NDUFB6: variants seen among roughly 807,000 people sequenced by gnomAD.
The protein encoded by NDUFB6 is NADH:ubiquinone oxidoreductase subunit B6, also known as NADH dehydrogenase [ubiquinone] 1 beta subcomplex subunit 6.
NDUFB6 carries 23 observed loss-of-function variants against 17.5 expected under a neutral mutation model. The ratio of observed to expected loss-of-function variants is 1.31; its 90% CI spans 0.94 to 1.86. The LOEUF is 1.86. NDUFB6 is among the 40% of genes most tolerant of loss of function. NDUFB6 has a pLI of 0.00. For missense variants in NDUFB6, 167 were observed against 153.8 expected (o/e 1.09, Z -0.46); for synonymous variants, 60 against 53.5 (o/e 1.12, Z -0.53).
chr9:32,554,032 A>G, intron 3 of NDUFB6, 88 bp from the exon 4 acceptor site: 1 of 793,744 alleles, frequency 1.3e-6, no homozygotes, highest in Non-Finnish European at 2.0e-6. Context: ...CAGATCTCAC[A>G]TGGAAAATGT....
At chr9:32,562,329 A>T (rs1408232176) in intron 2 of NDUFB6, among the ~76,000 whole-genome samples, 1 of 152,220 alleles carries the variant, frequency 6.6e-6, no homozygotes, top group Non-Finnish European at 1.5e-5. Context: ...CAAGGGGCTT[A>T]ATCTGCTTAG....
rs192155305 is a variant in NDUFB6, at chr9:32,562,525, T to G, written c.274-3571A>C. ...CAACATTCACTGGATTATCTATAATTTGTTAGACAGTCCTTAACTTCTGTC... is the reference window on the plus strand; with the variant it reads ...CAACATTCACTGGATTATCTATAATGTGTTAGACAGTCCTTAACTTCTGTC... On this transcript the variant is annotated intron_variant, in intron 2 of 3. Transcript: ENST00000379847. Among the ~76,000 whole-genome samples, 669 of 152,336 alleles carry G rather than the reference T, an allele frequency of 4.4e-3. 5 individuals carry two copies. The highest frequency in any genetic ancestry group is 0.015 in the African/African-American group (640 of 41,576).
rs1821802864 is a variant in NDUFB6, at chr9:32,566,745, G to A, written c.273+4215C>T. On this transcript the variant is annotated intron_variant, in intron 2 of 3. Coordinates refer to ENST00000379847, the MANE Select transcript of NDUFB6 (RefSeq NM_002493.5). ...GGACTCCAAGCCTTCAAACCACAGC[G>A]GGTCCTCAGCCCGGGTGTCGGCTGC... The A allele has an allele frequency of 1.4e-5, 13 of 918,614 alleles. 1 individual carries two copies. The highest frequency in any genetic ancestry group is 1.6e-5 in the Non-Finnish European group (9 of 554,122). The allele number at this position is 918,614 out of a possible 1,614,324, so 56.9% of individuals were successfully genotyped here.
chr9:32,559,027 C>T (rs923455746), intron 2 of NDUFB6, 73 bp from the exon 3 acceptor site: 5 of 1,082,034 alleles, frequency 4.6e-6, no homozygotes, highest in South Asian at 4.5e-5. Flanking sequence ...TAGGTCATAC[C>T]CCAAATTTTA....
intron 2 of NDUFB6, chr9:32,566,684 G>T (rs1354403464): frequency 2.1e-5 from 17 of 822,142 alleles, no homozygotes; most frequent in Non-Finnish European, 3.5e-5. Context: ...GGCTTTCACA[G>T]CTGTATCTCA....
intron 2 of NDUFB6, chr9:32,567,062 G>T (rs905564898): frequency 4.0e-6 from 2 of 494,138 alleles, no homozygotes; most frequent in African/African-American, 3.9e-5. Flanking sequence ...GCTCCTGCCC[G>T]CCATGCCAAA....
At position 32,553,072 on chromosome 9, in the gene NDUFB6, T is replaced by C. The variant is rs1429778880; in HGVS notation, c.*804A>G. 3 of 517,584 alleles carry C rather than the reference T, an allele frequency of 5.8e-6. No individual in the cohort carries two copies. Among genetic ancestry groups the C allele is most frequent in the Non-Finnish European group, 6.8e-6 (2 of 293,038 alleles). The allele number at this position is 517,584 out of a possible 1,614,324, so 32.1% of individuals were successfully genotyped here. On this transcript the variant is annotated 3_prime_UTR_variant, in exon 4 of 4. Coordinates refer to ENST00000379847, the MANE Select transcript of NDUFB6 (RefSeq NM_002493.5). ...AGTATGCAAATTTTTCACTTAGAGA[T>C]TTTAGTATTTTACATTCTCATGACA...
intron 1 of NDUFB6, among the ~76,000 whole-genome samples, chr9:32,572,511 A>G (rs946338481): frequency 2.0e-5 from 3 of 152,200 alleles, no homozygotes; most frequent in African/African-American, 4.8e-5. Context: ...CTCACACTTA[A>G]AAGTCAGACA....
intron 2 of NDUFB6, among the ~76,000 whole-genome samples, chr9:32,570,176 T>C (rs142860817): frequency 1.8e-4 from 27 of 152,252 alleles, no homozygotes; most frequent in African/African-American, 5.8e-4. Flanking sequence ...CTTCCAGATG[T>C]CCTCCTCCCT....
At chr9:32,555,977 G>C (rs969297320) in intron 3 of NDUFB6, among the ~76,000 whole-genome samples, 1 of 152,194 alleles carries the variant, frequency 6.6e-6, no homozygotes, top group African/African-American at 2.4e-5. Flanking sequence ...TGTGGTTGGG[G>C]GACAAGGATA....
At chr9:32,560,898 C>G (rs1022629734) in intron 2 of NDUFB6, among the ~76,000 whole-genome samples, 7 of 151,988 alleles carry the variant, frequency 4.6e-5, no homozygotes, top group Non-Finnish European at 8.8e-5. Context: ...ACTCAAGAAC[C>G]ATACATTAAT....
rs1821345850 is a variant in NDUFB6, at chr9:32,553,096, C to T, written c.*780G>A. 8.0e-6 allele frequency: 4 copies of T among 500,098 alleles called. No individual in the cohort carries two copies. The highest frequency in any genetic ancestry group is 1.4e-5 in the Non-Finnish European group (4 of 283,124). 31.0% of individuals were successfully genotyped at this position (500,098 alleles called of 1,614,324 possible). ...ATTTTAGTATTTTACATTCTCATGA[C>T]AAAATTAACAGCAACCTAAATCTGA... On this transcript the variant is annotated 3_prime_UTR_variant, in exon 4 of 4. Transcript: ENST00000379847.
At chr9:32,570,800 A>G (rs558935311) in intron 2 of NDUFB6, among the ~76,000 whole-genome samples, 160 bp downstream of exon 2, 12 of 152,342 alleles carry the variant, frequency 7.9e-5, no homozygotes, top group African/African-American at 2.6e-4. Context: ...AACTATACCC[A>G]ATTATGTAAC....
At chr9:32,562,843 T>G (rs60180511) in intron 2 of NDUFB6, among the ~76,000 whole-genome samples, 8,879 of 152,266 alleles carry the variant, frequency 0.058, 683 homozygotes, top group East Asian at 0.22. Context: ...CCATTGACTG[T>G]GCAGGCTCTT....
intron 1 of NDUFB6, among the ~76,000 whole-genome samples, chr9:32,572,313 G>T (rs963487015): frequency 2.0e-5 from 3 of 152,134 alleles, no homozygotes; most frequent in African/African-American, 7.2e-5. Context: ...CCCAAAATGC[G>T]ATTTTTTTAA....
intron 1 of NDUFB6, 55 bp downstream of exon 1, chr9:32,572,826 G>C (rs1317409565): frequency 6.8e-7 from 1 of 1,463,428 alleles, no homozygotes. Context: ...TCAGTGTTCA[G>C]GCTGCCGGCA....
At chr9:32,570,011 T>C (rs1268124167) in intron 2 of NDUFB6, among the ~76,000 whole-genome samples, 1 of 152,164 alleles carries the variant, frequency 6.6e-6, no homozygotes, top group South Asian at 2.1e-4. Flanking sequence ...TTCTGAAATA[T>C]CTCTGAGGTA....
At chr9:32,563,491 C>CTTTTTTTTTTTTTT (rs111646430) in intron 2 of NDUFB6, among the ~76,000 whole-genome samples, 4,381 of 90,750 alleles carry the variant, frequency 0.048, 521 homozygotes, top group African/African-American at 0.065. Flanking sequence ...GACTATTGGG[C>CTTTTTTTTTTTTTT]TTTTTTTTTT....
chr9:32,568,748 A>T lies in NDUFB6; in HGVS notation c.273+2212T>A, dbSNP rs200329659. On this transcript the variant is annotated intron_variant, in intron 2 of 3. Transcript: ENST00000379847. ...TGTGTGTGCATATATATATATATAT[A>T]TTTTTTTTTTTTTTTTTTTTGAGAT... 1,094 of 114,376 alleles carry T rather than the reference A, an allele frequency of 9.6e-3. 18 individuals are homozygous for T. The highest frequency in any genetic ancestry group is 0.024 in the African/African-American group (614 of 25,460). The allele number at this position is 114,376 out of a possible 1,614,324, so 7.1% of individuals were successfully genotyped here. A position where few individuals can be genotyped will look rare whatever the true frequency, so the allele number is the denominator to read the frequency against.
Sources: allele counts gnomAD v4.1 joint callset (sites outside exome capture counted in the v4.1 genomes callset), GRCh38; gene constraint gnomAD v4.1.1; transcripts MANE v1.5; gene names NCBI Gene and HGNC (gene_info 2026-07-23, HGNC 2026-07-21).